GALNT14: variants seen among roughly 807,000 people sequenced by gnomAD.
GALNT14 encodes the protein UDP-GalNAc:polypeptide N-acetylgalactosaminyltransferase 14.
A neutral mutation model predicts 77.5 loss-of-function variants in GALNT14; 60 were observed. That is an observed-to-expected ratio of 0.77 (90% CI 0.63 to 0.96). The LOEUF (loss-of-function observed/expected upper bound fraction) is 0.96. Ranked by LOEUF, GALNT14 falls within the 40% of genes least tolerant of loss-of-function variation. The pLI is 0.00. For synonymous variants in GALNT14, 280 were observed against 281.7 expected (o/e 0.99, Z 0.06); for missense variants, 710 against 731.0 (o/e 0.97, Z 0.33).
intron 1 of GALNT14, among the ~76,000 whole-genome samples, chr2:30,994,876 T>C (rs1322832534): frequency 6.6e-6 from 1 of 152,118 alleles, no homozygotes; most frequent in African/African-American, 2.4e-5. Flanking sequence ...CAGAGAGACA[T>C]GCATGGAGAT....
intron 1 of GALNT14, among the ~76,000 whole-genome samples, chr2:31,032,155 T>C (rs910745419): frequency 1.3e-5 from 2 of 152,174 alleles, no homozygotes; most frequent in African/African-American, 4.8e-5. Flanking sequence ...CTCCCTGATG[T>C]AGGGGACCAG....
At chr2:30,922,353 C>A (rs948013558) in intron 13 of GALNT14, among the ~76,000 whole-genome samples, 7 of 152,210 alleles carry the variant, frequency 4.6e-5, no homozygotes, top group Admixed American at 3.9e-4. Context: ...CAATTCCCAA[C>A]CCTCTCCTGA....
chr2:30,889,920 C>A, the GALNT14 span, among the ~76,000 whole-genome samples: 2 of 152,110 alleles, frequency 1.3e-5, no homozygotes, highest in Non-Finnish European at 2.9e-5. Flanking sequence ...AAGCACTTAA[C>A]AAGTTTTATA....
chr2:31,042,082 A>G (rs979282747), intron 1 of GALNT14, among the ~76,000 whole-genome samples: 4 of 152,208 alleles, frequency 2.6e-5, no homozygotes, highest in African/African-American at 4.8e-5. Context: ...GACGTGTTAT[A>G]TAAGTGTGCA....
intron 2 of GALNT14, among the ~76,000 whole-genome samples, chr2:30,978,856 T>C (rs907350145): frequency 6.6e-6 from 1 of 152,202 alleles, no homozygotes; most frequent in Non-Finnish European, 1.5e-5. Context: ...AGTAAGCTGA[T>C]GTCTGCAATG....
At chr2:30,965,827 G>C (rs1010419549) in intron 3 of GALNT14, among the ~76,000 whole-genome samples, 2 of 152,116 alleles carry the variant, frequency 1.3e-5, no homozygotes, top group Non-Finnish European at 2.9e-5. Flanking sequence ...CCTGATGCTG[G>C]GGCTGGGGTG....
At chr2:31,076,289 A>G (rs575299566) in intron 1 of GALNT14, among the ~76,000 whole-genome samples, 3 of 152,296 alleles carry the variant, frequency 2.0e-5, no homozygotes, top group South Asian at 2.1e-4. Flanking sequence ...TCTCTGTACG[A>G]AGAAACTAAG....
At chr2:31,049,675 C>T (rs571475579) in intron 1 of GALNT14, among the ~76,000 whole-genome samples, 37 of 152,328 alleles carry the variant, frequency 2.4e-4, no homozygotes, top group African/African-American at 8.9e-4. Context: ...CAGCTCTTCT[C>T]AGAGCAGCAG....
intron 9 of GALNT14, among the ~76,000 whole-genome samples, chr2:30,933,944 G>A (rs1411889380): frequency 2.6e-5 from 4 of 152,214 alleles, no homozygotes; most frequent in Non-Finnish European, 4.4e-5. Context: ...GAGTTATTAT[G>A]AGACATCCCT....
chr2:31,096,911 C>T (rs1677029753), intron 1 of GALNT14, among the ~76,000 whole-genome samples: 1 of 152,208 alleles, frequency 6.6e-6, no homozygotes, highest in Non-Finnish European at 1.5e-5. Context: ...ATCCAGGTCC[C>T]CACTTTACTT....
chr2:30,905,409 A>T, the GALNT14 span, among the ~76,000 whole-genome samples: 1 of 152,100 alleles, frequency 6.6e-6, no homozygotes, highest in East Asian at 1.9e-4. Context: ...AACTACGTGA[A>T]GAATGCAGAA....
chr2:30,888,859 G>A, the GALNT14 span, among the ~76,000 whole-genome samples: 1 of 152,134 alleles, frequency 6.6e-6, no homozygotes, highest in Non-Finnish European at 1.5e-5. Flanking sequence ...ATAAAAAGAG[G>A]CAGAAAGCAG....
rs1488868452 is a variant in GALNT14, at chr2:31,011,100, C to T, written c.130-18093G>A. ...AAGGGATAGGGAGGGTGGACACCCA[C>T]GAGAGCTGGGTCTGCAATCTCTCCT... On this transcript the variant is annotated intron_variant, in intron 1 of 14. Transcript: ENST00000349752. Among the ~76,000 whole-genome samples, 4 of 152,198 alleles carry T rather than the reference C, an allele frequency of 2.6e-5. No homozygotes were observed. The South Asian group carries it at 6.2e-4, about 24-fold the overall frequency.
chr2:30,940,992 C>T (rs752069570), intron 9 of GALNT14, among the ~76,000 whole-genome samples: 1 of 152,170 alleles, frequency 6.6e-6, no homozygotes, highest in Non-Finnish European at 1.5e-5. Context: ...GGCCAGAAGC[C>T]ATAAATTTCC....
chr2:31,109,991 C>T (rs1306955576), intron 1 of GALNT14, among the ~76,000 whole-genome samples: 2 of 152,162 alleles, frequency 1.3e-5, no homozygotes, highest in Admixed American at 6.5e-5. Context: ...GGTTCACAGT[C>T]CCCACTCTCT....
chr2:30,893,542 G>A, the GALNT14 span, among the ~76,000 whole-genome samples: 7 of 152,212 alleles, frequency 4.6e-5, no homozygotes, highest in African/African-American at 1.7e-4. Context: ...GGAGAAAAAT[G>A]TGAGCAGTGG....
chr2:30,939,003 G>A (rs1287955746), intron 9 of GALNT14, among the ~76,000 whole-genome samples: 1 of 152,290 alleles, frequency 6.6e-6, no homozygotes, highest in African/African-American at 2.4e-5. Flanking sequence ...ATTTTAAATG[G>A]AGCCTCATAT....
chr2:30,918,639 GCA>G (rs1664834502), intron 13 of GALNT14, among the ~76,000 whole-genome samples: 1 of 148,046 alleles, frequency 6.8e-6, no homozygotes, highest in Admixed American at 6.8e-5. Context: ...AGGGAGGGTG[GCA>G]TTGGGCAGGG....
At chr2:31,040,901 C>T (rs1034317707) in intron 1 of GALNT14, among the ~76,000 whole-genome samples, 52 of 152,182 alleles carry the variant, frequency 3.4e-4, no homozygotes, top group African/African-American at 1.2e-3. Flanking sequence ...TAAACAAACC[C>T]GACGCCAGAA....
Sources: allele counts gnomAD v4.1 joint callset (sites outside exome capture counted in the v4.1 genomes callset), GRCh38; gene constraint gnomAD v4.1.1; transcripts MANE v1.5; gene names NCBI Gene and HGNC (gene_info 2026-07-23, HGNC 2026-07-21).